Variants in PABIR3 observed in about 807,000 individuals in gnomAD.
PABIR3 encodes PABIR family member 3, also known as PABIR family member 1.
A neutral mutation model predicts 23.1 loss-of-function variants in PABIR3; 20 were observed. The observed-to-expected ratio is 0.86, with a 90% CI of 0.61 to 1.26. The LOEUF (loss-of-function observed/expected upper bound fraction) is 1.26. PABIR3 is among the 50% of genes most tolerant of loss of function. The pLI is 0.00. For synonymous variants in PABIR3, 69 were observed against 68.5 expected (o/e 1.01, Z -0.04); for missense variants, 189 against 195.4 (o/e 0.97, Z 0.20).
At chrX:134,830,647 T>G (rs2081742173) in intron 4 of PABIR3, among the ~76,000 whole-genome samples, 2 of 110,837 alleles carry the variant, frequency 1.8e-5, no homozygotes, top group Admixed American at 9.7e-5. Context: ...TTTTTACTTT[T>G]TAGTGGGTAA....
rs2082684775 is a variant in PABIR3 at position 134,852,863 on chromosome X, C to T, written c.653C>T (p.Ser218Phe). Residue 218 changes from serine (S) to phenylalanine (F), a missense_variant, in exon 10 of 11, where the codon TCT (serine) becomes TTT (phenylalanine). By Grantham distance (155) the Ser-to-Phe change is radical. Transcript: ENST00000645433. ...IFQGTTNMLSSDTSQLSENNV... is the reference protein window; with the variant it reads ...IFQGTTNMLSFDTSQLSENNV... ...CAAGGCACAACCAACATGCTTTCTTCTGATACTTCCCAACTGTCAGAAAAT... is the reference window on the plus strand; with the variant it reads ...CAAGGCACAACCAACATGCTTTCTTTTGATACTTCCCAACTGTCAGAAAAT... 1 of 1,136,652 alleles carries T rather than the reference C, an allele frequency of 8.8e-7. No individual in the cohort carries two copies. Among genetic ancestry groups the T allele is most frequent in the Non-Finnish European group, 1.2e-6 (1 of 864,668 alleles). 93.7% of individuals were successfully genotyped at this position (1,136,652 alleles called of 1,213,427 possible). A position where few individuals can be genotyped will look rare whatever the true frequency, so the allele number is the denominator to read the frequency against.
the PABIR3 span, among the ~76,000 whole-genome samples, chrX:134,861,673 CAAAAAAA>C: frequency 3.2e-5 from 1 of 30,940 alleles, no homozygotes; most frequent in Admixed American, 4.4e-4. Context: ...GACTCCGCCT[CAAAAAAA>C]AAAAAAAAAA....
upstream of PABIR3, chrX:134,804,029 G>C (rs770547750): frequency 3.1e-6 from 1 of 318,570 alleles, no homozygotes; most frequent in East Asian, 5.6e-5. Context: ...TTACAACGTA[G>C]CTTCAAGGTT....
At chrX:134,847,336 A>T in intron 6 of PABIR3, 47 bp from the exon 7 acceptor site, 1 of 982,890 alleles carries the variant, frequency 1.0e-6, no homozygotes, top group Non-Finnish European at 1.4e-6. Flanking sequence ...GTATTTGATT[A>T]ATAAGCAATT....
intron 6 of PABIR3, 66 bp from the exon 7 acceptor site, chrX:134,847,317 G>A (rs927470236): frequency 2.5e-6 from 2 of 812,255 alleles, no homozygotes; most frequent in Non-Finnish European, 3.6e-6. Context: ...TGTGCAACAG[G>A]TATCTCAAGT....
chrX:134,838,652 CTCCCCCTCCCCCCT>C (rs2082061838), intron 4 of PABIR3: 1 of 12,113 alleles, frequency 8.3e-5, no homozygotes, highest in African/African-American at 5.2e-4. Flanking sequence ...CCCTCTCCCC[CTCCCCCTCCCCCCT>C]CCCCCCCTCC....
Position 134,808,138 on chromosome X carries a change from G to A in PABIR3, c.110+430G>A, listed in dbSNP as rs1225386580. 1.3e-5 allele frequency: 4 copies of A among 297,251 alleles called. No homozygotes were observed. In the South Asian group the frequency reaches 7.9e-4, roughly 59 times the overall value. The allele number at this position is 297,251 out of a possible 1,213,427, so 24.5% of individuals were successfully genotyped here. ...TCACCTCTGACCTTCACCTCCAGCC[G>A]CTTGAATGGAAATGGTTGTCAAGCA... is the stretch of plus-strand genomic sequence containing the variant. On this transcript the variant is annotated intron_variant, in intron 2 of 10. Coordinates refer to ENST00000645433, the MANE Select transcript of PABIR3 (RefSeq NM_001388447.1).
intron 1 of PABIR3, among the ~76,000 whole-genome samples, chrX:134,797,780 C>A (rs2079935726): frequency 1.8e-5 from 2 of 108,460 alleles, no homozygotes; most frequent in Admixed American, 9.9e-5. Context: ...GAGTCCCTAA[C>A]AATCATGCCT....
At chrX:134,796,533 G>A, upstream of PABIR3, 1 of 185,246 alleles carries the variant, frequency 5.4e-6, no homozygotes, top group Non-Finnish European at 1.0e-5. Context: ...GGAGGGAAGA[G>A]GGAGGGAAAA....
rs1353232285 is a variant in PABIR3 at position 134,809,981 on chromosome X, G to T, written c.110+2273G>T. On this transcript the variant is annotated intron_variant, in intron 2 of 10. Transcript: ENST00000645433. ...AGGGGGACTCTGCATGTTGTGCTGA[G>T]AACAAGAACATTTTATTCACTCAGG... 4.0e-6 allele frequency: 3 copies of T among 753,032 alleles called. No individual in the cohort carries two copies. In the African/African-American group the frequency reaches 6.9e-5, roughly 17 times the overall value. 62.1% of individuals were successfully genotyped at this position (753,032 alleles called of 1,213,427 possible).
intron 8 of PABIR3, among the ~76,000 whole-genome samples, chrX:134,848,746 A>G (rs962488532): frequency 8.9e-6 from 1 of 112,150 alleles, no homozygotes; most frequent in African/African-American, 3.2e-5. Flanking sequence ...TCACACCTGT[A>G]ATCCCAACAC....
At chrX:134,804,120 G>A (rs2080135303), upstream of PABIR3, 2 of 778,036 alleles carry the variant, frequency 2.6e-6, no homozygotes, top group Non-Finnish European at 3.7e-6. Flanking sequence ...TGGGACAGAC[G>A]CAGCAGACTG....
At chrX:134,810,160 C>T (rs2080562054) in intron 2 of PABIR3, 4 of 752,326 alleles carry the variant, frequency 5.3e-6, no homozygotes, top group Admixed American at 8.8e-5. Flanking sequence ...CTGGAAGGAA[C>T]CTGTGGATCC....
At chrX:134,797,965 G>T (rs1260555161) in intron 1 of PABIR3, among the ~76,000 whole-genome samples, 1 of 110,411 alleles carries the variant, frequency 9.1e-6, no homozygotes, top group Non-Finnish European at 1.9e-5. Flanking sequence ...GATTACAGGC[G>T]CCTGCCACCA....
At chrX:134,841,955 C>G (rs2082249308) in intron 4 of PABIR3, among the ~76,000 whole-genome samples, 1 of 112,034 alleles carries the variant, frequency 8.9e-6, no homozygotes, top group Non-Finnish European at 1.9e-5. Context: ...CCACTGCACT[C>G]CAGCCTGTGT....
downstream of PABIR3, among the ~76,000 whole-genome samples, chrX:134,856,017 A>G (rs776293998): frequency 1.8e-5 from 2 of 111,396 alleles, no homozygotes; most frequent in Non-Finnish European, 3.8e-5. Context: ...CCTTAGCCAA[A>G]GAGAGTTTCG....
At chrX:134,853,949 C>A in intron 10 of PABIR3, 142 bp from the exon 11 acceptor site, 1 of 575,929 alleles carries the variant, frequency 1.7e-6, no homozygotes, top group Non-Finnish European at 2.7e-6. Flanking sequence ...CTGGTGGTTT[C>A]ATTGTATGAC....
At chrX:134,814,130 G>A (rs1489292518) in intron 2 of PABIR3, among the ~76,000 whole-genome samples, 3 of 111,602 alleles carry the variant, frequency 2.7e-5, no homozygotes, top group African/African-American at 9.8e-5. Context: ...TTTGGGAGTT[G>A]AGAGGGAATT....
chrX:134,810,774 T>G, intron 2 of PABIR3: 5 of 753,546 alleles, frequency 6.6e-6, no homozygotes, highest in Non-Finnish European at 7.8e-6. Context: ...TAAAGCATTC[T>G]TTTCAGAAAG....
Sources: gnomAD v4.1 joint callset for allele counts (sites outside exome capture counted in the v4.1 genomes callset) on GRCh38, gnomAD v4.1.1 for gene constraint, MANE v1.5 for transcripts, NCBI Gene and HGNC (gene_info 2026-07-23, HGNC 2026-07-21) for gene names.